GATA2: variants seen among roughly 807,000 people sequenced by gnomAD.
The protein encoded by GATA2 is endothelial transcription factor GATA-2.
A neutral mutation model predicts 35.7 loss-of-function variants in GATA2; 6 were observed. That is an observed-to-expected ratio of 0.17 (90% confidence interval 0.09 to 0.33). The LOEUF is 0.33. Ranked by LOEUF, GATA2 falls within the 10% of genes least tolerant of loss-of-function variation. The pLI, the probability that GATA2 is intolerant of heterozygous loss-of-function variation, is 1.00. For synonymous variants in GATA2, 313 were observed against 274.9 expected (o/e 1.14, Z -1.37); for missense variants, 541 against 656.6 (o/e 0.82, Z 1.92).
intron 1 of GATA2, chr3:128,490,422 A>T (rs917686400): frequency 4.6e-5 from 7 of 152,288 alleles, no homozygotes; most frequent in Non-Finnish European, 7.3e-5. Flanking sequence ...TGTAGAGGAA[A>T]AAAAGGAAAC....
In GATA2 at chr3:128,481,848, C is replaced by T. The variant is rs936826425; in HGVS notation, c.1114G>A (p.Ala372Thr). The change falls in exon 5 of 6, where the codon GCC becomes ACC. Residue 372 changes from alanine (A) to threonine (T), a missense_variant. By Grantham distance (58) the Ala-to-Thr change is moderately conservative. Around this residue, in one of 5 missense-constraint regions of GATA2, gnomAD observed 23 missense variants for 67.2 expected, o/e 0.34. Transcript: ENST00000341105. Reference sequence around the variant, plus strand: ...TGCAGCTTGTAGTAGAGGCCACAGGCGTTGCAGACAGGGTCCCCGTTGGCG... The same window carrying T: ...TGCAGCTTGTAGTAGAGGCCACAGGTGTTGCAGACAGGGTCCCCGTTGGCG... ...RNANGDPVCN[A>T]CGLYYKLHNV... The T allele has an allele frequency of 6.2e-7, 1 of 1,614,116 alleles. No individual in the cohort carries two copies.
At chr3:128,481,497 G>C (rs2068627857) in intron 5 of GATA2, among the ~76,000 whole-genome samples, 179 bp from the exon 6 acceptor site, 1 of 152,162 alleles carries the variant, frequency 6.6e-6, no homozygotes, top group Non-Finnish European at 1.5e-5. Flanking sequence ...GCGGGTTCTG[G>C]CATATGGGGC....
At chr3:128,484,795 G>A (rs1238887272) in intron 3 of GATA2, among the ~76,000 whole-genome samples, 1 of 152,114 alleles carries the variant, frequency 6.6e-6, no homozygotes, top group Non-Finnish European at 1.5e-5. Context: ...GGCCAGCGGG[G>A]GCTGGGGCTG....
chr3:128,491,434 C>T (rs2068766601), intron 1 of GATA2, among the ~76,000 whole-genome samples: 1 of 152,188 alleles, frequency 6.6e-6, no homozygotes, highest in Admixed American at 6.5e-5. Flanking sequence ...GGCCTCCCAG[C>T]CCCACACTGG....
Position 128,486,167 on chromosome 3 carries a change from G to T in GATA2, c.431C>A (p.Ala144Asp), listed in dbSNP as rs747596994. 1 of 1,569,598 alleles carries T rather than the reference G, an allele frequency of 6.4e-7. No individual in the cohort carries two copies. The highest frequency in any genetic ancestry group is 8.6e-7 in the Non-Finnish European group (1 of 1,157,622). The change falls in exon 3 of 6, where the codon GCT becomes GAT. Residue 144 changes from alanine (A) to aspartate (D), a missense_variant. Physicochemically the swap from Ala to Asp is moderately radical, Grantham distance 126 (BLOSUM62 -2). This residue lies in a region of GATA2 where 389 missense variants were observed against 396.9 expected (regional missense o/e 0.98). Coordinates refer to ENST00000341105, the MANE Select transcript of GATA2 (RefSeq NM_032638.5). Reference sequence around the variant, plus strand: ...GCTGCCTCCCCCGCTCCCACCCCCAGCCCCTGGGTACACAGAGAGTGGGCC... The same window carrying T: ...GCTGCCTCCCCCGCTCCCACCCCCATCCCCTGGGTACACAGAGAGTGGGCC... ...PGGPLSVYPG[A>D]GGGSGGGSGS...
Position 128,486,218 on chromosome 3 carries a change from T to C in GATA2, c.380A>G (p.His127Arg), listed in dbSNP as rs1576749074. The change falls in exon 3 of 6, where the codon CAC (histidine) becomes CGC (arginine). Residue 127 changes from histidine (H) to arginine (R), a missense_variant. This residue lies in a region of GATA2 where 389 missense variants were observed against 396.9 expected (regional missense o/e 0.98). Coordinates refer to ENST00000341105, the MANE Select transcript of GATA2 (RefSeq NM_032638.5). ...TCCAGGGCCTCCAGCAGCTGAGGGGTGCAGTGGCGTCTTGGAGAAGGGGCT... is the reference window on the plus strand; with the variant it reads ...TCCAGGGCCTCCAGCAGCTGAGGGGCGCAGTGGCGTCTTGGAGAAGGGGCT... ...TVSPFSKTPL[H>R]PSAAGGPGGP... 1 of 1,560,110 alleles carries C rather than the reference T, an allele frequency of 6.4e-7. No homozygotes were observed.
At chr3:128,491,612 A>G (rs559007321) in intron 1 of GATA2, among the ~76,000 whole-genome samples, 2 of 152,158 alleles carry the variant, frequency 1.3e-5, no homozygotes, top group South Asian at 4.2e-4. Context: ...TTGAGGTTCA[A>G]TTCCAGCCCC....
chr3:128,480,770 T>C lies in GATA2; in HGVS notation c.*249A>G, dbSNP rs1444156757. 3.9e-6 allele frequency: 2 copies of C among 512,580 alleles called. No individual in the cohort carries two copies. The highest frequency in any genetic ancestry group is 5.0e-4 in the Middle Eastern group (1 of 2,012). 31.8% of individuals were successfully genotyped at this position (512,580 alleles called of 1,614,324 possible). ...TCCTTTTCTCTACATAAAGTTGTCC[T>C]TGTTGTTCTCCAAACAACTGTCCAT... On this transcript the variant is annotated 3_prime_UTR_variant, in exon 6 of 6. Coordinates refer to ENST00000341105, the MANE Select transcript of GATA2 (RefSeq NM_032638.5).
rs2068597424 is a variant in GATA2, at chr3:128,479,491, A to G, written c.*1528T>C. 1 of 232,986 alleles carries G rather than the reference A, an allele frequency of 4.3e-6. No individual in the cohort carries two copies. Among genetic ancestry groups the G allele is most frequent in the Admixed American group, 5.6e-5 (1 of 17,772 alleles). The allele number at this position is 232,986 out of a possible 1,614,324, so 14.4% of individuals were successfully genotyped here. A position where few individuals can be genotyped will look rare whatever the true frequency, so the allele number is the denominator to read the frequency against. On this transcript the variant is annotated 3_prime_UTR_variant, in exon 6 of 6. Coordinates refer to ENST00000341105, the MANE Select transcript of GATA2 (RefSeq NM_032638.5). ...TTAAAGGAATAAGAGGATAGCATAC[A>G]TTTTTTACAGACAATATATAAATGT...
chr3:128,491,057 G>A (rs1559989968), intron 1 of GATA2, among the ~76,000 whole-genome samples: 1 of 152,148 alleles, frequency 6.6e-6, no homozygotes, highest in South Asian at 2.1e-4. Flanking sequence ...AACTCACAGC[G>A]GCGATCGCCA....
In GATA2 at chr3:128,481,168, C is replaced by T. The variant is rs761447305; in HGVS notation, c.1294G>A (p.Ala432Thr). The T allele has an allele frequency of 6.2e-7, 1 of 1,614,224 alleles. No homozygotes were observed. Among genetic ancestry groups the T allele is most frequent in the Admixed American group, 1.7e-5 (1 of 60,028 alleles). ...ACAGGTGCCATGTGTCCAGCCAGGG[C>T]AGCTGCACTGAAGGGGGATGACTTC... ...QEKSSPFSAA[A>T]LAGHMAPVGH... is the part of the protein sequence containing the mutation. The change falls in exon 6 of 6, where the codon GCC becomes ACC. Residue 432 changes from alanine to threonine, a missense_variant. By Grantham distance (58) the Ala-to-Thr change is moderately conservative (BLOSUM62 0). Transcript: ENST00000341105.
Position 128,479,625 on chromosome 3 carries a change from C to T in GATA2, c.*1394G>A. ...TCTTTTTCTTATGCGGACACTAGTA[C>T]AAAATAAGTTACTTCTGGCCGTGGT... is the stretch of plus-strand genomic sequence containing the variant. On this transcript the variant is annotated 3_prime_UTR_variant, in exon 6 of 6. Transcript: ENST00000341105. 1 of 233,506 alleles carries T rather than the reference C, an allele frequency of 4.3e-6. No homozygotes were observed. Among genetic ancestry groups the T allele is most frequent in the East Asian group, 6.0e-5 (1 of 16,560 alleles). 14.5% of individuals were successfully genotyped at this position (233,506 alleles called of 1,614,324 possible). A position where few individuals can be genotyped will look rare whatever the true frequency, so the allele number is the denominator to read the frequency against.
intron 3 of GATA2, 43 bp from the exon 4 acceptor site, chr3:128,484,048 C>A (rs2068664003): frequency 6.2e-7 from 1 of 1,602,780 alleles, no homozygotes; most frequent in Non-Finnish European, 8.5e-7. Context: ...GCTTAACCGG[C>A]AAGTTCTCGG....
At position 128,481,105 on chromosome 3, in the gene GATA2, G is replaced by A. The variant is rs2107667762; in HGVS notation, c.1357C>T (p.Leu453=). ...LPPFSHSGHI[L]PTPTPIHPSS... The stretch of plus-strand genomic sequence containing the variant: ...GGGTGGATGGGCGTCGGAGTGGGCA[G>A]GATGTGTCCGGAGTGGCTGAAGGGC... Residue 453 remains leucine (L), a synonymous_variant, in exon 6 of 6, where the codon CTG becomes TTG. Transcript: ENST00000341105. The A allele has an allele frequency of 6.2e-7, 1 of 1,613,946 alleles. No individual in the cohort carries two copies. Among genetic ancestry groups the A allele is most frequent in the Non-Finnish European group, 8.5e-7 (1 of 1,179,866 alleles).
intron 3 of GATA2, among the ~76,000 whole-genome samples, chr3:128,485,363 C>A (rs1441720212): frequency 6.6e-6 from 1 of 152,146 alleles, no homozygotes; most frequent in Admixed American, 6.5e-5. Flanking sequence ...CAAACACATG[C>A]ACATACAGAG....
Position 128,486,116 on chromosome 3 carries a change from G to T in GATA2, c.482C>A (p.Pro161His). Residue 161 changes from proline (P) to histidine (H), a missense_variant, in exon 3 of 6, where the codon CCT becomes CAT. Coordinates refer to ENST00000341105, the MANE Select transcript of GATA2 (RefSeq NM_032638.5). ...GSGSSVASLTPTAAHSGSHLF... is the reference protein window; with the variant it reads ...GSGSSVASLTHTAAHSGSHLF... Reference sequence around the variant, plus strand: ...GTGGGAGCCAGAGTGGGCTGCTGTAGGGGTGAGGGAGGCCACTGAGCTCCC... The same window carrying T: ...GTGGGAGCCAGAGTGGGCTGCTGTATGGGTGAGGGAGGCCACTGAGCTCCC... The T allele has an allele frequency of 5.0e-6, 8 of 1,612,194 alleles. No individual in the cohort carries two copies. Among genetic ancestry groups the T allele is most frequent in the Non-Finnish European group, 6.8e-6 (8 of 1,179,532 alleles).
chr3:128,482,993 G>A (rs2068650041), intron 4 of GATA2, among the ~76,000 whole-genome samples: 1 of 152,224 alleles, frequency 6.6e-6, no homozygotes, highest in African/African-American at 2.4e-5. Context: ...TGCAGCCGCG[G>A]GGGCAGGGAG....
intron 1 of GATA2, chr3:128,490,741 A>T (rs930974738): frequency 6.6e-6 from 1 of 152,206 alleles, no homozygotes; most frequent in Non-Finnish European, 1.5e-5. Flanking sequence ...GGCCCCAAAC[A>T]AACTCCCGGG....
At chr3:128,485,374 TCA>T (rs1053292727) in intron 3 of GATA2, among the ~76,000 whole-genome samples, 1 of 151,912 alleles carries the variant, frequency 6.6e-6, no homozygotes, top group African/African-American at 2.4e-5. Flanking sequence ...ACATACAGAG[TCA>T]CTTCCCTCGC....
Sources: gnomAD v4.1 joint callset for allele counts (sites outside exome capture counted in the v4.1 genomes callset) on GRCh38, gnomAD v4.1.1 for gene constraint, gnomAD v4.1.1 regional missense constraint, MANE v1.5 for transcripts, NCBI Gene and HGNC (gene_info 2026-07-23, HGNC 2026-07-21) for gene names.